The following NME7 variants were observed in gnomAD, a reference collection of about 807,000 sequenced individuals.
The protein encoded by NME7 is NME/NM23 family member 7.
NME7 carries 41 observed loss-of-function variants against 49.1 expected under a neutral mutation model. The observed-to-expected ratio is 0.83, with a 90% CI of 0.65 to 1.08. The LOEUF is 1.08. Ranked by LOEUF, NME7 falls within the 50% of genes least tolerant of loss-of-function variation. The probability of loss-of-function intolerance (pLI) is 0.00; values close to 1 mark genes in which losing one functional copy is unlikely to be tolerated. For synonymous variants in NME7, 139 were observed against 150.6 expected (o/e 0.92, Z 0.56); for missense variants, 423 against 463.4 (o/e 0.91, Z 0.80).
intron 11 of NME7, 115 bp downstream of exon 11, chr1:169,169,332 G>A: frequency 1.1e-6 from 1 of 869,694 alleles, no homozygotes; most frequent in Non-Finnish European, 1.8e-6. Context: ...CTCTGCACAT[G>A]TAACCTAGAA....
rs561447293 is a variant in NME7 at position 169,245,171 on chromosome 1, T to C, written c.755-7484A>G. On this transcript the variant is annotated intron_variant, in intron 7 of 11. Coordinates refer to ENST00000367811, the MANE Select transcript of NME7 (RefSeq NM_013330.5). ...AATAAAACAAATAAACAGAAAATCA[T>C]AGTATCTATCATCTATAATATACCT... 9.2e-5 allele frequency among the ~76,000 whole-genome samples: 14 copies of C among 151,918 alleles called. 1 individual carries two copies. The South Asian group carries it at 2.3e-3, about 25-fold the overall frequency.
At chr1:169,273,616 C>G (rs1446190817) in intron 7 of NME7, among the ~76,000 whole-genome samples, 1 of 130,568 alleles carries the variant, frequency 7.7e-6, no homozygotes. Flanking sequence ...CCCCACTCCC[C>G]CTACCCCACA....
At chr1:169,250,897 T>C (rs1390156427) in intron 7 of NME7, among the ~76,000 whole-genome samples, 1 of 152,128 alleles carries the variant, frequency 6.6e-6, no homozygotes, top group African/African-American at 2.4e-5. Context: ...GCCTAGCATA[T>C]GGTCTATTGT....
At chr1:169,200,283 G>C (rs936127515) in intron 10 of NME7, among the ~76,000 whole-genome samples, 5 of 152,072 alleles carry the variant, frequency 3.3e-5, no homozygotes, top group African/African-American at 9.7e-5. Context: ...TAAATTAAGA[G>C]ATAAGCAATT....
At chr1:169,240,163 T>C (rs1045691118) in intron 7 of NME7, among the ~76,000 whole-genome samples, 48 of 151,808 alleles carry the variant, frequency 3.2e-4, no homozygotes, top group African/African-American at 1.2e-3. Flanking sequence ...TAAAACAAAA[T>C]TTTAAAATAT....
intron 7 of NME7, chr1:169,284,845 C>T (rs1650208864): frequency 6.6e-6 from 1 of 152,052 alleles, no homozygotes; most frequent in African/African-American, 2.4e-5. Flanking sequence ...TTAAGGTATA[C>T]AACTAGTATT....
intron 3 of NME7, chr1:169,322,497 CTG>C (rs969138056): frequency 6.6e-5 from 10 of 152,062 alleles, no homozygotes; most frequent in African/African-American, 2.2e-4. Flanking sequence ...GGGTCACACT[CTG>C]TGAATAATTT....
At chr1:169,245,584 C>A (rs114515064) in intron 7 of NME7, among the ~76,000 whole-genome samples, 1 of 152,008 alleles carries the variant, frequency 6.6e-6, no homozygotes, top group East Asian at 1.9e-4. Context: ...CAAGAGTACA[C>A]GAACTAATAA....
rs748209698 is a variant in NME7, at chr1:169,324,457, G to A, written c.47C>T (p.Pro16Leu). Residue 16 changes from proline to leucine, a missense_variant, in exon 2 of 12, where the codon CCA becomes CTA. Physicochemically the swap from Pro to Leu is moderately conservative, Grantham distance 98. Coordinates refer to ENST00000367811, the MANE Select transcript of NME7 (RefSeq NM_013330.5). ...ATAACGTCGAAGAAGTGAAGCATTTGGATCATACCACTCTGCAATGAAAAC... is the reference window on the plus strand; with the variant it reads ...ATAACGTCGAAGAAGTGAAGCATTTAGATCATACCACTCTGCAATGAAAAC... Reference protein sequence around the residue: ...RFVFIAEWYDPNASLLRRYEL... With the variant: ...RFVFIAEWYDLNASLLRRYEL... 23 of 1,612,944 alleles carry A rather than the reference G, an allele frequency of 1.4e-5. No individual in the cohort carries two copies. In the South Asian group the frequency reaches 2.5e-4, roughly 18 times the overall value.
Position 169,355,249 on chromosome 1 carries a change from T to TTATATCTATAATATATAATATATTA in NME7, c.3+12458_3+12459insTAATATATTATATATTATAGATATA, listed in dbSNP as rs1653408496. On this transcript the variant is annotated intron_variant, in intron 1 of 11. Coordinates refer to ENST00000367811, the MANE Select transcript of NME7 (RefSeq NM_013330.5). ...GATATAATATATAATATATTATATA[T>TTATATCTATAATATATAATATATTA]TATATCTATATATAATATATTGTAT... 2.4e-3 allele frequency among the ~76,000 whole-genome samples: 85 copies of TTATATCTATAATATATAATATATTA among 35,292 alleles called. 17 individuals are homozygous for TTATATCTATAATATATAATATATTA. Among genetic ancestry groups the TTATATCTATAATATATAATATATTA allele is most frequent in the Non-Finnish European group, 4.8e-3 (75 of 15,682 alleles). The allele number at this position is 35,292 out of a possible 152,430, so 23.2% of individuals were successfully genotyped here.
At chr1:169,230,849 G>T (rs987854080) in intron 9 of NME7, 30 bp from the exon 10 acceptor site, 2 of 1,442,040 alleles carry the variant, frequency 1.4e-6, no homozygotes, top group Admixed American at 4.3e-5. Context: ...AGAATGAAAA[G>T]AATTTAACAA....
At chr1:169,296,288 C>T (rs996123452) in intron 6 of NME7, among the ~76,000 whole-genome samples, 2 of 152,190 alleles carry the variant, frequency 1.3e-5, no homozygotes, top group African/African-American at 2.4e-5. Context: ...ATGATATCCA[C>T]ATTGCAAAAT....
chr1:169,284,309 GTTCT>G (rs1650172084), intron 7 of NME7: 1 of 152,068 alleles, frequency 6.6e-6, no homozygotes, highest in African/African-American at 2.4e-5. Context: ...GGTCATTCAT[GTTCT>G]TCTCTGCATT....
chr1:169,292,008 T>C (rs1001925453), intron 6 of NME7, among the ~76,000 whole-genome samples: 1 of 152,112 alleles, frequency 6.6e-6, no homozygotes, highest in African/African-American at 2.4e-5. Context: ...TGTAGATGAA[T>C]AGAACACAAC....
intron 7 of NME7, among the ~76,000 whole-genome samples, chr1:169,279,737 C>G (rs190917818): frequency 6.6e-6 from 1 of 152,038 alleles, no homozygotes. Context: ...GAGATGAACC[C>G]GGTACCTCAG....
chr1:169,278,067 G>C (rs934273794), intron 7 of NME7, among the ~76,000 whole-genome samples: 17 of 151,754 alleles, frequency 1.1e-4, no homozygotes, highest in Non-Finnish European at 2.4e-4. Context: ...CTGTTAGTCT[G>C]ATGGGCTTCC....
chr1:169,365,113 C>T (rs922719717), intron 1 of NME7, among the ~76,000 whole-genome samples: 2 of 152,148 alleles, frequency 1.3e-5, no homozygotes, highest in African/African-American at 4.8e-5. Context: ...GAAACTGACT[C>T]TACTAGTCCT....
intron 7 of NME7, among the ~76,000 whole-genome samples, chr1:169,264,710 A>G (rs1203380740): frequency 1.5e-5 from 2 of 133,420 alleles, no homozygotes; most frequent in African/African-American, 5.1e-5. Context: ...ATTGAGGCAG[A>G]AAATTAATAG....
chr1:169,140,295 C>G (rs1442009426), intron 11 of NME7, among the ~76,000 whole-genome samples: 1 of 151,910 alleles, frequency 6.6e-6, no homozygotes, highest in Non-Finnish European at 1.5e-5. Flanking sequence ...GTAGAAAGAA[C>G]AGAAAGAGTA....
Sources: gnomAD v4.1 joint callset for allele counts (sites outside exome capture counted in the v4.1 genomes callset) on GRCh38, gnomAD v4.1.1 for gene constraint, MANE v1.5 for transcripts, NCBI Gene and HGNC (gene_info 2026-07-23, HGNC 2026-07-21) for gene names.